CDH23: variants seen among roughly 807,000 people sequenced by gnomAD.
CDH23 encodes cadherin related 23.
A neutral mutation model predicts 317.1 loss-of-function variants in CDH23; 189 were observed. The ratio of observed to expected loss-of-function variants is 0.60; its 90% CI spans 0.53 to 0.67. The LOEUF is 0.67. Among genes scored for constraint, CDH23 ranks in the 30% least tolerant of loss-of-function variants. The pLI, the probability that CDH23 is intolerant of heterozygous loss-of-function variation, is 0.00. For missense variants in CDH23, 4,401 were observed against 4,592.4 expected (o/e 0.96, Z 1.20); for synonymous variants, 1,839 against 1,876.8 (o/e 0.98, Z 0.52).
At chr10:71,522,839 C>A (rs1434014643) in intron 6 of CDH23, among the ~76,000 whole-genome samples, 4 of 152,068 alleles carry the variant, frequency 2.6e-5, no homozygotes, top group Admixed American at 1.3e-4. Flanking sequence ...GGAGAGGGGT[C>A]TTTTCCCCTC....
chr10:71,757,511 C>G (rs1450424241), intron 38 of CDH23: 2 of 152,432 alleles, frequency 1.3e-5, no homozygotes, highest in Admixed American at 1.3e-4. Flanking sequence ...AGTTCCCCAC[C>G]CCTTCCCCCA....
intron 14 of CDH23, among the ~76,000 whole-genome samples, chr10:71,652,319 A>G (rs574813408): frequency 1.3e-5 from 2 of 152,302 alleles, no homozygotes; most frequent in East Asian, 3.9e-4. Flanking sequence ...AGTCCCTGCA[A>G]TCCTGTCTTA....
chr10:71,709,368 C>T (rs981089319), intron 27 of CDH23, among the ~76,000 whole-genome samples, 157 bp downstream of exon 27: 4 of 152,198 alleles, frequency 2.6e-5, no homozygotes, highest in Non-Finnish European at 5.9e-5. Context: ...CAGCACTTGC[C>T]GGGCATGAGG....
chr10:71,635,211 C>T (rs1020083140), intron 11 of CDH23: 1 of 152,630 alleles, frequency 6.6e-6, no homozygotes, highest in African/African-American at 2.4e-5. Context: ...ATGCAAGTAC[C>T]AACGCACATT....
Position 71,432,517 on chromosome 10 carries a change from AGT to A in CDH23, c.-5-7304_-5-7303del, listed in dbSNP as rs201982648. On this transcript the variant is annotated intron_variant, in intron 1 of 69. Coordinates refer to ENST00000224721, the MANE Select transcript of CDH23 (RefSeq NM_022124.6). The stretch of plus-strand genomic sequence containing the variant: ...TGTGTGCAGTGTGTGGGTGAGTGTG[AGT>A]GTGTGGGTGAGTGTGTGAGAGAGTG... 2.3e-4 allele frequency among the ~76,000 whole-genome samples: 33 copies of A among 144,738 alleles called. No homozygotes were observed. In the Middle Eastern group the frequency reaches 0.012, roughly 51 times the overall value. 95.0% of individuals were successfully genotyped at this position (144,738 alleles called of 152,430 possible). A position where few individuals can be genotyped will look rare whatever the true frequency, so the allele number is the denominator to read the frequency against.
chr10:71,617,108 G>A (rs746869253), intron 10 of CDH23, 97 bp from the exon 11 acceptor site: 9 of 1,468,618 alleles, frequency 6.1e-6, no homozygotes, highest in African/African-American at 1.4e-5. Flanking sequence ...CATTCACATT[G>A]AGGCACAGTG....
intron 38 of CDH23, among the ~76,000 whole-genome samples, chr10:71,767,236 T>C (rs2132902712): frequency 6.6e-6 from 1 of 152,260 alleles, no homozygotes; most frequent in Admixed American, 6.5e-5. Context: ...CCCCTGTGAG[T>C]GTGCACGGGA....
chr10:71,605,972 CAG>C (rs1860505784), intron 9 of CDH23, among the ~76,000 whole-genome samples: 1 of 152,224 alleles, frequency 6.6e-6, no homozygotes, highest in South Asian at 2.1e-4. Flanking sequence ...AAAACATCCT[CAG>C]AGGACCAGGG....
intron 11 of CDH23, among the ~76,000 whole-genome samples, chr10:71,639,529 T>G (rs1862434811): frequency 6.6e-6 from 1 of 152,116 alleles, no homozygotes; most frequent in South Asian, 2.1e-4. Flanking sequence ...CAGCGTTCTG[T>G]AGTGGGAAGG....
At chr10:71,410,655 C>A (rs1848308186) in intron 1 of CDH23, among the ~76,000 whole-genome samples, 1 of 152,232 alleles carries the variant, frequency 6.6e-6, no homozygotes, top group African/African-American at 2.4e-5. Context: ...CATTACCCGT[C>A]ATCCTCTGAA....
At chr10:71,758,228 A>T (rs1224341159) in intron 38 of CDH23, among the ~76,000 whole-genome samples, 1 of 152,162 alleles carries the variant, frequency 6.6e-6, no homozygotes, top group Non-Finnish European at 1.5e-5. Flanking sequence ...CTGAGTAAAA[A>T]GTCACTGTAG....
rs569005123 is a variant in CDH23, at chr10:71,522,927, G to GA, written c.429+11721dup. ...TGATTGTCTTCATGTTAGAGCTGGG[G>GA]AAAAAACACCCAGAGAGGTTCAGTG... is the stretch of plus-strand genomic sequence containing the variant. On this transcript the variant is annotated intron_variant, in intron 6 of 69. Coordinates refer to ENST00000224721, the MANE Select transcript of CDH23 (RefSeq NM_022124.6). Among the ~76,000 whole-genome samples, 1,277 of 152,180 alleles carry GA rather than the reference G, an allele frequency of 8.4e-3. 3 individuals carry two copies. Among genetic ancestry groups the GA allele is most frequent in the Non-Finnish European group, 0.014 (964 of 68,000 alleles).
intron 3 of CDH23, among the ~76,000 whole-genome samples, chr10:71,487,206 A>G (rs75078373): frequency 0.01 from 1,589 of 152,336 alleles, 21 homozygotes; most frequent in African/African-American, 0.031. Flanking sequence ...GCAAAGTGCA[A>G]GACAGTAGAC....
chr10:71,578,732 G>A (rs559923958), intron 9 of CDH23, among the ~76,000 whole-genome samples: 79 of 152,038 alleles, frequency 5.2e-4, no homozygotes, highest in Admixed American at 8.5e-4. Flanking sequence ...CCCCATACAT[G>A]CCATACACAG....
rs1839989860 is a variant in CDH23, at chr10:71,751,236, A to C, written c.4845+9315A>C. ...GCCCCAGACCCAGCCACAACAGCCCACTGTCCCCCAGCTGGGCTAGATGAC... is the reference window on the plus strand; with the variant it reads ...GCCCCAGACCCAGCCACAACAGCCCCCTGTCCCCCAGCTGGGCTAGATGAC... On this transcript the variant is annotated intron_variant, in intron 38 of 69. Transcript: ENST00000224721. This position sits in a 1 kb window ranked among gnomAD's most constrained non-coding sequence, Gnocchi z 4.9. The C allele has an allele frequency of 6.2e-7, 1 of 1,604,566 alleles. No homozygotes were observed. Among genetic ancestry groups the C allele is most frequent in the Non-Finnish European group, 8.5e-7 (1 of 1,174,934 alleles).
At chr10:71,485,191 T>G (rs185321577) in intron 3 of CDH23, among the ~76,000 whole-genome samples, 1 of 151,984 alleles carries the variant, frequency 6.6e-6, no homozygotes, top group African/African-American at 2.4e-5. Context: ...CATGCCCGGC[T>G]AATTTTTGTA....
intron 11 of CDH23, among the ~76,000 whole-genome samples, chr10:71,618,811 G>A (rs1208574892): frequency 6.6e-6 from 1 of 151,756 alleles, no homozygotes; most frequent in African/African-American, 2.4e-5. Context: ...CCCACCATGT[G>A]CCTGTGTGTG....
At position 71,806,163 on chromosome 10, in the gene CDH23, C is replaced by A. The variant is rs561693723; in HGVS notation, c.8065-5C>A. 2.9e-5 allele frequency: 45 copies of A among 1,558,272 alleles called. No homozygotes were observed. Among genetic ancestry groups the A allele is most frequent in the Admixed American group, 2.1e-4 (11 of 51,916 alleles). ...TTTCCTCTGACTGTGCTCTTCCGCTCCTAGCTCATCTTGGTGGCCAGCGAC... is the reference window on the plus strand; with the variant it reads ...TTTCCTCTGACTGTGCTCTTCCGCTACTAGCTCATCTTGGTGGCCAGCGAC... On this transcript the variant is annotated splice_polypyrimidine_tract_variant and splice_region_variant and intron_variant, in intron 56 of 69. Transcript: ENST00000224721.
intron 6 of CDH23, among the ~76,000 whole-genome samples, chr10:71,533,108 C>A (rs922860469): frequency 6.6e-6 from 1 of 152,192 alleles, no homozygotes; most frequent in Non-Finnish European, 1.5e-5. Flanking sequence ...GTGTTCTGGC[C>A]TCTGCTGGGT....
Sources: allele counts gnomAD v4.1 joint callset (sites outside exome capture counted in the v4.1 genomes callset), GRCh38; gene constraint gnomAD v4.1.1; non-coding constraint Gnocchi (gnomAD v3.1); transcripts MANE v1.5; gene names NCBI Gene and HGNC (gene_info 2026-07-23, HGNC 2026-07-21).